The following EIF1AD variants were observed in gnomAD, a reference collection of about 807,000 sequenced individuals.
EIF1AD encodes probable RNA-binding protein EIF1AD.
In EIF1AD, 9 loss-of-function variants were observed where a neutral mutation model predicts 21.7. The observed-to-expected ratio is 0.41, with a 90% CI of 0.25 to 0.72. The LOEUF (loss-of-function observed/expected upper bound fraction) is 0.72. EIF1AD is among the 30% of genes least tolerant of loss of function. The probability of loss-of-function intolerance (pLI) is 0.29; values close to 1 mark genes in which losing one functional copy is unlikely to be tolerated. For synonymous variants in EIF1AD, 78 were observed against 70.9 expected, an observed-to-expected ratio of 1.10 and a Z score of -0.50; for missense variants, 164 against 199.7, an observed-to-expected ratio of 0.82 and a Z score of 1.08.
At position 65,998,180 on chromosome 11, in the gene EIF1AD, G is replaced by A. The variant is rs1855799056; in HGVS notation, c.*419C>T. On this transcript the variant is annotated 3_prime_UTR_variant, in exon 6 of 6. Transcript: ENST00000533544. ...TCATCCTGAATGCTTAAATTGGTATGAACTGCAAGCAGGCAAGGAAGCAGG... is the reference window on the plus strand; with the variant it reads ...TCATCCTGAATGCTTAAATTGGTATAAACTGCAAGCAGGCAAGGAAGCAGG... The A allele has an allele frequency of 6.2e-6, 1 of 162,180 alleles. No homozygotes were observed. The highest frequency in any genetic ancestry group is 2.4e-5 in the African/African-American group (1 of 41,492). 10.0% of individuals were successfully genotyped at this position (162,180 alleles called of 1,614,324 possible).
chr11:65,998,514 G>T lies in EIF1AD; in HGVS notation c.*85C>A. 1 of 1,521,176 alleles carries T rather than the reference G, an allele frequency of 6.6e-7. No individual in the cohort carries two copies. Among genetic ancestry groups the T allele is most frequent in the Admixed American group, 1.9e-5 (1 of 52,918 alleles). 94.2% of individuals were successfully genotyped at this position (1,521,176 alleles called of 1,614,324 possible). A position where few individuals can be genotyped will look rare whatever the true frequency, so the allele number is the denominator to read the frequency against. ...TGCTTTGTCCTCATGCAGGGGTGAA[G>T]ATGTGCAGAGCACCCTGGGAATGTC... is the stretch of plus-strand genomic sequence containing the variant. On this transcript the variant is annotated 3_prime_UTR_variant, in exon 6 of 6. Coordinates refer to ENST00000533544, the MANE Select transcript of EIF1AD (RefSeq NM_001242481.2).
In EIF1AD at chr11:65,997,559, G is replaced by A. The variant is rs1590657374; in HGVS notation, c.*1040C>T. ...GAAACAGACATCCCAGAGTAGATCTGCTGGGCAGTGCTTAGTGTCCATCTG... is the reference window on the plus strand; with the variant it reads ...GAAACAGACATCCCAGAGTAGATCTACTGGGCAGTGCTTAGTGTCCATCTG... On this transcript the variant is annotated 3_prime_UTR_variant, in exon 6 of 6. Transcript: ENST00000533544. The A allele has an allele frequency of 6.6e-6, 1 of 151,908 alleles. No homozygotes were observed. Among genetic ancestry groups the A allele is most frequent in the East Asian group, 1.9e-4 (1 of 5,158 alleles). 9.4% of individuals were successfully genotyped at this position (151,908 alleles called of 1,614,324 possible). A position where few individuals can be genotyped will look rare whatever the true frequency, so the allele number is the denominator to read the frequency against.
rs1307289469 is a variant in EIF1AD at position 66,000,393 on chromosome 11, G to A, written c.-4C>T. On this transcript the variant is annotated 5_prime_UTR_variant, in exon 2 of 6. Coordinates refer to ENST00000533544, the MANE Select transcript of EIF1AD (RefSeq NM_001242481.2). Reference sequence around the variant, plus strand: ...TCCTCTTGGTGGCCTGAGACATGCTGAAGTCGTCCCACACTGGTTAGGAAC... The same window carrying A: ...TCCTCTTGGTGGCCTGAGACATGCTAAAGTCGTCCCACACTGGTTAGGAAC... The A allele has an allele frequency of 1.2e-6, 2 of 1,604,278 alleles. No individual in the cohort carries two copies. The highest frequency in any genetic ancestry group is 4.5e-5 in the East Asian group (2 of 44,454).
intron 5 of EIF1AD, 77 bp from the exon 6 acceptor site, chr11:65,998,820 A>C (rs909511098): frequency 5.4e-5 from 83 of 1,542,654 alleles, no homozygotes; most frequent in Non-Finnish European, 6.6e-5. Context: ...AGTTCCAAAA[A>C]AAGGACCATC....
In EIF1AD at chr11:65,998,345, A is replaced by C; in HGVS notation, c.*254T>G. ...TCCTCCCCATTCAGCCCACCCACCC[A>C]CAAGGTCTCTAATAAATAGGGAGCA... On this transcript the variant is annotated 3_prime_UTR_variant, in exon 6 of 6. Transcript: ENST00000533544. The C allele has an allele frequency of 6.7e-5, 17 of 254,844 alleles. No individual in the cohort carries two copies. Among genetic ancestry groups the C allele is most frequent in the East Asian group, 7.9e-5 (1 of 12,584 alleles). The allele number at this position is 254,844 out of a possible 1,614,324, so 15.8% of individuals were successfully genotyped here.
Position 65,999,620 on chromosome 11 carries a change from G to A in EIF1AD, c.252C>T (p.Ile84=). ...CGTGGTCCTTGCAGAGCACAAACGA[G>A]ATTTCAGCCTTCACCTTTTCTCCCT... ...IEEGEKVKAE[I]SFVLCKDHVR... is the part of the protein sequence containing the mutation. Residue 84 remains isoleucine, a synonymous_variant, in exon 4 of 6, where the codon ATC becomes ATT. Transcript: ENST00000533544. The A allele has an allele frequency of 6.2e-7, 1 of 1,614,056 alleles. No homozygotes were observed. The highest frequency in any genetic ancestry group is 8.5e-7 in the Non-Finnish European group (1 of 1,180,026).
chr11:66,000,649 T>C (rs2134960180), intron 1 of EIF1AD, 144 bp from the exon 2 acceptor site: 1 of 473,216 alleles, frequency 2.1e-6, no homozygotes, highest in East Asian at 3.8e-5. Context: ...ACTGTTACAG[T>C]ATGGTATGAG....
chr11:65,998,395 C>A lies in EIF1AD; in HGVS notation c.*204G>T, dbSNP rs540584. On this transcript the variant is annotated 3_prime_UTR_variant, in exon 6 of 6. Coordinates refer to ENST00000533544, the MANE Select transcript of EIF1AD (RefSeq NM_001242481.2). Reference sequence around the variant, plus strand: ...AGTTTTTCACTTCATCACAATCTCCCTCCCCCGAGAGAGCCACTCAGACAC... The same window carrying A: ...AGTTTTTCACTTCATCACAATCTCCATCCCCCGAGAGAGCCACTCAGACAC... 2.1e-6 allele frequency: 1 copy of A among 478,236 alleles called. No homozygotes were observed. Among genetic ancestry groups the A allele is most frequent in the Non-Finnish European group, 3.5e-6 (1 of 282,872 alleles). 29.6% of individuals were successfully genotyped at this position (478,236 alleles called of 1,614,324 possible).
intron 5 of EIF1AD, 52 bp from the exon 6 acceptor site, chr11:65,998,795 T>C: frequency 3.1e-6 from 5 of 1,594,960 alleles, no homozygotes; most frequent in Non-Finnish European, 4.3e-6. Flanking sequence ...GGGAAAATAA[T>C]ATCTACAATC....
In EIF1AD at chr11:65,997,526, G is replaced by T. The variant is rs1565325456; in HGVS notation, c.*1073C>A. ...CAAGGGGGAATTGATAGATAAGACA[G>T]AAGTTTTGAAACAGACATCCCAGAG... On this transcript the variant is annotated 3_prime_UTR_variant, in exon 6 of 6. Coordinates refer to ENST00000533544, the MANE Select transcript of EIF1AD (RefSeq NM_001242481.2). 6.6e-6 allele frequency: 1 copy of T among 152,184 alleles called. No homozygotes were observed. The highest frequency in any genetic ancestry group is 1.5e-5 in the Non-Finnish European group (1 of 68,052). 9.4% of individuals were successfully genotyped at this position (152,184 alleles called of 1,614,324 possible). A position where few individuals can be genotyped will look rare whatever the true frequency, so the allele number is the denominator to read the frequency against.
Position 66,000,162 on chromosome 11 carries a change from C to A in EIF1AD, c.88-1G>T. On this transcript the variant is annotated splice_acceptor_variant, in intron 2 of 5. Transcript: ENST00000533544. LOFTEE classifies it high-confidence loss of function. ...GATTGTTCCCTGGGGTCCTGAGTAC[C>A]TGGTTCAGGAGAGACCAAGAATCAG... The A allele has an allele frequency of 1.2e-6, 2 of 1,612,772 alleles. No homozygotes were observed. The highest frequency in any genetic ancestry group is 1.7e-6 in the Non-Finnish European group (2 of 1,178,806).
chr11:65,999,676 C>T lies in EIF1AD; in HGVS notation c.197-1G>A, dbSNP rs1386252479. ...ATGGGGTCAACAATGAGAAAGTCCC[C>T]TGTAGATAAGAAGAGAAAAGGCAAA... On this transcript the variant is annotated splice_acceptor_variant, in intron 3 of 5. Coordinates refer to ENST00000533544, the MANE Select transcript of EIF1AD (RefSeq NM_001242481.2). LOFTEE classifies it high-confidence loss of function. The T allele has an allele frequency of 6.2e-7, 1 of 1,611,284 alleles. No homozygotes were observed. The highest frequency in any genetic ancestry group is 8.5e-7 in the Non-Finnish European group (1 of 1,177,550).
chr11:66,000,726 C>T (rs572554769), intron 1 of EIF1AD: 1 of 215,102 alleles, frequency 4.6e-6, no homozygotes, highest in Admixed American at 5.2e-5. Context: ...GTTTATAAGA[C>T]AGGAGAAAAG....
Position 65,996,775 on chromosome 11 carries a change from C to T in EIF1AD, c.*1824G>A, listed in dbSNP as rs1379207257. ...TACAGCACGCTCGACACTAACACATCACATCCATAACATATCACATCCAAT... is the reference window on the plus strand; with the variant it reads ...TACAGCACGCTCGACACTAACACATTACATCCATAACATATCACATCCAAT... On this transcript the variant is annotated 3_prime_UTR_variant, in exon 6 of 6. Coordinates refer to ENST00000533544, the MANE Select transcript of EIF1AD (RefSeq NM_001242481.2). 1.3e-5 allele frequency: 2 copies of T among 152,168 alleles called. No homozygotes were observed. Among genetic ancestry groups the T allele is most frequent in the African/African-American group, 4.8e-5 (2 of 41,434 alleles). The allele number at this position is 152,168 out of a possible 1,614,324, so 9.4% of individuals were successfully genotyped here.
In EIF1AD at chr11:66,000,077, G is replaced by A. The variant is rs770575012; in HGVS notation, c.172C>T (p.Arg58Cys). ...CCTCTCTTGATCCAGATGTTCTTGCGGTATTTGGAGGGCATGCTCACCAGG... is the reference window on the plus strand; with the variant it reads ...CCTCTCTTGATCCAGATGTTCTTGCAGTATTTGGAGGGCATGCTCACCAGG... ...RFLVSMPSKY[R>C]KNIWIKRGDF... Residue 58 changes from arginine to cysteine, a missense_variant, in exon 3 of 6, where the codon CGC becomes TGC. Arg to Cys is a radical substitution (Grantham distance 180, BLOSUM62 -3). Transcript: ENST00000533544. 6.2e-6 allele frequency: 10 copies of A among 1,613,736 alleles called. No homozygotes were observed. Among genetic ancestry groups the A allele is most frequent in the African/African-American group, 5.3e-5 (4 of 74,904 alleles).
rs748236310 is a variant in EIF1AD, at chr11:66,000,171, G to A, written c.88-10C>T. 1.2e-6 allele frequency: 2 copies of A among 1,611,912 alleles called. No homozygotes were observed. Among genetic ancestry groups the A allele is most frequent in the Admixed American group, 1.7e-5 (1 of 60,016 alleles). The stretch of plus-strand genomic sequence containing the variant: ...CTGGGGTCCTGAGTACCTGGTTCAG[G>A]AGAGACCAAGAATCAGTCTCATCAG... On this transcript the variant is annotated splice_polypyrimidine_tract_variant and intron_variant, in intron 2 of 5. Transcript: ENST00000533544.
In EIF1AD at chr11:65,996,761, C is replaced by A. The variant is rs2030; in HGVS notation, c.*1838G>T. On this transcript the variant is annotated 3_prime_UTR_variant, in exon 6 of 6. Transcript: ENST00000533544. ...GAAATGGGAGATTCTACAGCACGCT[C>A]GACACTAACACATCACATCCATAAC... is the stretch of plus-strand genomic sequence containing the variant. 2.0e-5 allele frequency: 3 copies of A among 152,058 alleles called. No homozygotes were observed. Among genetic ancestry groups the A allele is most frequent in the Non-Finnish European group, 4.4e-5 (3 of 68,028 alleles). 9.4% of individuals were successfully genotyped at this position (152,058 alleles called of 1,614,324 possible).
chr11:65,999,933 C>T, intron 3 of EIF1AD, 120 bp downstream of exon 3: 1 of 781,358 alleles, frequency 1.3e-6, no homozygotes, highest in Non-Finnish European at 2.1e-6. Flanking sequence ...CAGGCACGTG[C>T]CCAACTAATT....
Position 65,997,793 on chromosome 11 carries a change from G to C in EIF1AD, c.*806C>G, listed in dbSNP as rs1266616378. 2 of 152,264 alleles carry C rather than the reference G, an allele frequency of 1.3e-5. No individual in the cohort carries two copies. The highest frequency in any genetic ancestry group is 2.4e-5 in the African/African-American group (1 of 41,434). The allele number at this position is 152,264 out of a possible 1,614,324, so 9.4% of individuals were successfully genotyped here. On this transcript the variant is annotated 3_prime_UTR_variant, in exon 6 of 6. Coordinates refer to ENST00000533544, the MANE Select transcript of EIF1AD (RefSeq NM_001242481.2). ...ACACAAGAGGGAAGTGAAGGCAGAA[G>C]GTTACTCATGAGAATGTCAGGGCTG...
Sources: gnomAD v4.1 joint callset for allele counts on GRCh38, gnomAD v4.1.1 for gene constraint, MANE v1.5 for transcripts, NCBI Gene and HGNC (gene_info 2026-07-23, HGNC 2026-07-21) for gene names.